The following CNTN4 variants were observed in gnomAD, a reference collection of about 807,000 sequenced individuals.
CNTN4 encodes contactin 4.
CNTN4 carries 77 observed loss-of-function variants against 122.5 expected under a neutral mutation model. The observed-to-expected ratio is 0.63, with a 90% CI of 0.52 to 0.76. The LOEUF (loss-of-function observed/expected upper bound fraction) is 0.76, where lower values mean the gene tolerates loss of function less well. Ranked by LOEUF, CNTN4 falls within the 30% of genes least tolerant of loss-of-function variation. The pLI is 0.00. For missense variants in CNTN4, 1,256 were observed against 1,259.1 expected (o/e 1.00, Z 0.04); for synonymous variants, 512 against 447.0 (o/e 1.15, Z -1.83).
At chr3:2,938,767 A>G (rs753581371) in intron 13 of CNTN4, among the ~76,000 whole-genome samples, 1 of 152,226 alleles carries the variant, frequency 6.6e-6, no homozygotes. Context: ...GGGCTGGGTT[A>G]GAACCATGTA....
rs151043753 is a variant in CNTN4, at chr3:2,152,234, T to C, written c.-145+51595T>C. On this transcript the variant is annotated intron_variant, in intron 2 of 24. Coordinates refer to ENST00000418658, the MANE Select transcript of CNTN4 (RefSeq NM_175607.3). ...GCCGTAAGGTAGCAGTAGGCCCAGC[T>C]TGTTCCAAGTGCCTCAAGAAAGCCT... 1.2e-3 allele frequency among the ~76,000 whole-genome samples: 188 copies of C among 152,268 alleles called. 1 individual carries two copies. Among genetic ancestry groups the C allele is most frequent in the Middle Eastern group, 3.4e-3 (1 of 294 alleles).
chr3:3,056,266 T>A lies in CNTN4; in HGVS notation c.*46T>A. ...TGCTGTTTATAATATAAGCAACATTTAGCTAGTTGTTTTGAAGACACCCAG... is the reference window on the plus strand; with the variant it reads ...TGCTGTTTATAATATAAGCAACATTAAGCTAGTTGTTTTGAAGACACCCAG... On this transcript the variant is annotated 3_prime_UTR_variant, in exon 25 of 25. Transcript: ENST00000418658. The A allele has an allele frequency of 7.1e-7, 1 of 1,398,906 alleles. No homozygotes were observed. Among genetic ancestry groups the A allele is most frequent in the Non-Finnish European group, 1.0e-6 (1 of 984,252 alleles). The allele number at this position is 1,398,906 out of a possible 1,614,324, so 86.7% of individuals were successfully genotyped here.
chr3:2,868,808 A>G (rs2093752843), intron 8 of CNTN4, among the ~76,000 whole-genome samples: 1 of 152,184 alleles, frequency 6.6e-6, no homozygotes, highest in African/African-American at 2.4e-5. Flanking sequence ...TTTAGATGCC[A>G]GTAAACCAGT....
At chr3:2,832,294 T>C (rs1201368023) in intron 7 of CNTN4, among the ~76,000 whole-genome samples, 1 of 152,224 alleles carries the variant, frequency 6.6e-6, no homozygotes, top group South Asian at 2.1e-4. Flanking sequence ...GGCCTTGTCA[T>C]AGACAGGGCA....
chr3:2,629,554 G>T (rs925267285), intron 4 of CNTN4: 1 of 453,302 alleles, frequency 2.2e-6, no homozygotes, highest in Non-Finnish European at 4.4e-6. Context: ...GGTCCTTGCT[G>T]GGGGTGCTGC....
At chr3:2,292,232 G>T (rs112113758) in intron 2 of CNTN4, among the ~76,000 whole-genome samples, 3,746 of 152,196 alleles carry the variant, frequency 0.025, 153 homozygotes, top group African/African-American at 0.086. Context: ...CTCTAATAGT[G>T]TTATATTTAT....
intron 2 of CNTN4, among the ~76,000 whole-genome samples, chr3:2,210,311 A>T (rs185790713): frequency 5.8e-4 from 88 of 152,284 alleles, no homozygotes; most frequent in African/African-American, 2.0e-3. Flanking sequence ...GTAAATAAAA[A>T]CTTATTATTA....
chr3:2,993,967 G>T (rs1319963822), intron 14 of CNTN4, among the ~76,000 whole-genome samples: 1 of 152,160 alleles, frequency 6.6e-6, no homozygotes, highest in Non-Finnish European at 1.5e-5. Flanking sequence ...ATAAATCATT[G>T]ATTGAGAGGG....
At chr3:2,747,715 A>C (rs2089871328) in intron 6 of CNTN4, among the ~76,000 whole-genome samples, 2 of 152,156 alleles carry the variant, frequency 1.3e-5, no homozygotes. Flanking sequence ...TGCTCATTCC[A>C]CTTCATGTGT....
At chr3:2,960,046 C>T (rs941493368) in intron 13 of CNTN4, among the ~76,000 whole-genome samples, 9 of 151,138 alleles carry the variant, frequency 6.0e-5, no homozygotes, top group African/African-American at 2.2e-4. Flanking sequence ...GAAAATATTC[C>T]AAAATGAAAT....
At chr3:2,494,785 A>G (rs2076410762) in intron 3 of CNTN4, among the ~76,000 whole-genome samples, 1 of 152,184 alleles carries the variant, frequency 6.6e-6, no homozygotes, top group South Asian at 2.1e-4. Context: ...TCTGGTTGTA[A>G]TAGTCTGTGT....
chr3:2,911,602 A>G (rs1175001619), intron 12 of CNTN4, among the ~76,000 whole-genome samples: 8 of 152,220 alleles, frequency 5.3e-5, no homozygotes, highest in Non-Finnish European at 8.8e-5. Context: ...AAACAGAGGT[A>G]TATCAATTAC....
At chr3:3,045,962 C>T (rs1700602518) in intron 23 of CNTN4, among the ~76,000 whole-genome samples, 3 of 152,074 alleles carry the variant, frequency 2.0e-5, no homozygotes, top group South Asian at 4.1e-4. Flanking sequence ...AACCATGGCA[C>T]GAGAACTACA....
chr3:2,643,893 C>T (rs1399762100), intron 4 of CNTN4, among the ~76,000 whole-genome samples: 1 of 152,134 alleles, frequency 6.6e-6, no homozygotes, highest in Non-Finnish European at 1.5e-5. Flanking sequence ...CAGCTGCTTC[C>T]TCCCTTTCAT....
rs374914754 is a variant in CNTN4 at position 2,911,053 on chromosome 3, G to T, written c.1207+8048G>T. ...GAAAACTTCCAATTCCTAATTTCTT[G>T]CTGGGGAGGGAAAGAAAAGAGTGGA... is the stretch of plus-strand genomic sequence containing the variant. On this transcript the variant is annotated intron_variant, in intron 12 of 24. Transcript: ENST00000418658. Among the ~76,000 whole-genome samples the T allele has an allele frequency of 7.5e-4, 114 of 152,316 alleles. 4 individuals are homozygous for T. In the South Asian group the frequency reaches 0.023, roughly 31 times the overall value.
chr3:3,055,065 T>C (rs79911919), intron 24 of CNTN4, among the ~76,000 whole-genome samples: 2,857 of 152,324 alleles, frequency 0.019, 91 homozygotes, highest in African/African-American at 0.065. Flanking sequence ...AGGGGTGATA[T>C]GCCAGTGTTT....
intron 13 of CNTN4, among the ~76,000 whole-genome samples, chr3:2,980,367 T>A (rs567708773): frequency 5.5e-4 from 71 of 128,904 alleles, no homozygotes; most frequent in African/African-American, 2.9e-3. Flanking sequence ...CACAGGTAGG[T>A]CAGGACTAAC....
intron 3 of CNTN4, among the ~76,000 whole-genome samples, chr3:2,490,896 T>A (rs2076296497): frequency 6.6e-6 from 1 of 152,164 alleles, no homozygotes; most frequent in Non-Finnish European, 1.5e-5. Flanking sequence ...TCCAAAGTAC[T>A]ATGTTTAGCG....
intron 8 of CNTN4, among the ~76,000 whole-genome samples, chr3:2,870,829 T>G (rs1372777779): frequency 6.6e-6 from 1 of 152,210 alleles, no homozygotes; most frequent in South Asian, 2.1e-4. Flanking sequence ...GCATTTCAGC[T>G]AAGCAGTCTG....
Sources: allele counts gnomAD v4.1 joint callset (sites outside exome capture counted in the v4.1 genomes callset), GRCh38; gene constraint gnomAD v4.1.1; transcripts MANE v1.5; gene names NCBI Gene and HGNC (gene_info 2026-07-23, HGNC 2026-07-21).